Variants in ABTB2 observed in about 807,000 individuals in gnomAD.
The protein encoded by ABTB2 is ankyrin repeat and BTB domain containing 2.
In ABTB2, 56 loss-of-function variants were observed where a neutral mutation model predicts 104.1. That is an observed-to-expected ratio of 0.54 (90% confidence interval 0.43 to 0.67). The LOEUF is 0.67. Among genes scored for constraint, ABTB2 ranks in the 30% least tolerant of loss-of-function variants. The pLI, the probability that ABTB2 is intolerant of heterozygous loss-of-function variation, is 0.00. For missense variants in ABTB2, 1,279 were observed against 1,407.7 expected (o/e 0.91, Z 1.46); for synonymous variants, 606 against 608.2 (o/e 1.00, Z 0.05).
At chr11:34,184,411 G>A (rs1853069011) in intron 3 of ABTB2, among the ~76,000 whole-genome samples, 1 of 152,202 alleles carries the variant, frequency 6.6e-6, no homozygotes, top group Non-Finnish European at 1.5e-5. Flanking sequence ...CCAGGAATAG[G>A]AAAAGGTGGC....
At chr11:34,276,153 T>C (rs920611625) in intron 1 of ABTB2, among the ~76,000 whole-genome samples, 1 of 149,922 alleles carries the variant, frequency 6.7e-6, no homozygotes, top group African/African-American at 2.5e-5. Context: ...TATGCTCAAA[T>C]AGAAAAAATT....
intron 1 of ABTB2, among the ~76,000 whole-genome samples, chr11:34,313,752 G>A (rs753583308): frequency 2.0e-5 from 3 of 152,324 alleles, no homozygotes; most frequent in Admixed American, 6.5e-5. Flanking sequence ...GCAACTCTAC[G>A]GAGAAACAAG....
Position 34,151,339 on chromosome 11 carries a change from A to G in ABTB2, c.*1048T>C, listed in dbSNP as rs1209099232. 1.3e-5 allele frequency: 2 copies of G among 152,262 alleles called. No individual in the cohort carries two copies. Among genetic ancestry groups the G allele is most frequent in the African/African-American group, 4.8e-5 (2 of 41,468 alleles). The allele number at this position is 152,262 out of a possible 1,614,324, so 9.4% of individuals were successfully genotyped here. A position where few individuals can be genotyped will look rare whatever the true frequency, so the allele number is the denominator to read the frequency against. On this transcript the variant is annotated 3_prime_UTR_variant, in exon 17 of 17. Transcript: ENST00000435224. ...GGTGTCAGGGGAGCCCAGGGCCTGCAGAATTCGAGGGCAAGGCCGTGAGGG... is the reference window on the plus strand; with the variant it reads ...GGTGTCAGGGGAGCCCAGGGCCTGCGGAATTCGAGGGCAAGGCCGTGAGGG...
At chr11:34,346,171 G>A (rs1855329369) in intron 1 of ABTB2, among the ~76,000 whole-genome samples, 1 of 152,164 alleles carries the variant, frequency 6.6e-6, no homozygotes, top group Non-Finnish European at 1.5e-5. Context: ...GCAACAAACA[G>A]CATTTAAAAA....
At chr11:34,337,727 T>C (rs1445257777) in intron 1 of ABTB2, among the ~76,000 whole-genome samples, 2 of 152,176 alleles carry the variant, frequency 1.3e-5, no homozygotes, top group Admixed American at 6.5e-5. Flanking sequence ...TGCAAATCAC[T>C]AGTGTCCTGC....
Position 34,173,379 on chromosome 11 carries a change from T to A in ABTB2, c.1245-72A>T. 2.7e-6 allele frequency: 4 copies of A among 1,474,374 alleles called. No homozygotes were observed. The South Asian group carries it at 5.5e-5, about 20-fold the overall frequency. 91.3% of individuals were successfully genotyped at this position (1,474,374 alleles called of 1,614,324 possible). On this transcript the variant is annotated intron_variant, in intron 3 of 16. Transcript: ENST00000435224. ...AGGGCAGCAGAGAGAGGGTCAGGCC[T>A]GGGAGGGTGCTTCTTGTGGGGCAGC...
chr11:34,229,270 C>G (rs1347741353), intron 1 of ABTB2, among the ~76,000 whole-genome samples: 1 of 151,672 alleles, frequency 6.6e-6, no homozygotes, highest in Non-Finnish European at 1.5e-5. Flanking sequence ...ATCACAAAGT[C>G]AGGAGATCAA....
intron 1 of ABTB2, among the ~76,000 whole-genome samples, chr11:34,273,112 A>T (rs904519504): frequency 8.5e-5 from 13 of 152,166 alleles, no homozygotes; most frequent in African/African-American, 2.9e-4. Flanking sequence ...AAATTTTTTT[A>T]AATTTTTTGT....
intron 1 of ABTB2, among the ~76,000 whole-genome samples, chr11:34,208,846 C>T (rs2133042947): frequency 6.6e-6 from 1 of 152,102 alleles, no homozygotes; most frequent in East Asian, 1.9e-4. Context: ...CTCAAAAATC[C>T]TTCACTGCCA....
chr11:34,266,110 TCTCA>T (rs1192861232), intron 1 of ABTB2, among the ~76,000 whole-genome samples: 1 of 152,120 alleles, frequency 6.6e-6, no homozygotes, highest in Non-Finnish European at 1.5e-5. Flanking sequence ...AGAGACAGGG[TCTCA>T]CTCTGTCACC....
chr11:34,180,105 T>C (rs1853007822), intron 3 of ABTB2, among the ~76,000 whole-genome samples: 1 of 152,216 alleles, frequency 6.6e-6, no homozygotes, highest in South Asian at 2.1e-4. Context: ...ATGCCTCAGC[T>C]CCAGCTTTCT....
intron 2 of ABTB2, among the ~76,000 whole-genome samples, chr11:34,203,795 A>G (rs1853373175): frequency 2.0e-5 from 3 of 152,204 alleles, no homozygotes; most frequent in Non-Finnish European, 4.4e-5. Context: ...AGAAGGCCGG[A>G]GCAGAGGGAA....
chr11:34,357,681 C>A lies in ABTB2; in HGVS notation c.-98G>T. 1 of 1,262,014 alleles carries A rather than the reference C, an allele frequency of 7.9e-7. No individual in the cohort carries two copies. The highest frequency in any genetic ancestry group is 1.0e-6 in the Non-Finnish European group (1 of 972,828). 78.2% of individuals were successfully genotyped at this position (1,262,014 alleles called of 1,614,324 possible). A position where few individuals can be genotyped will look rare whatever the true frequency, so the allele number is the denominator to read the frequency against. ...AGAAACAAGCTCTAGGCCCTCCGGG[C>A]CACCCTCCTTCCTCTCTGCGTCGCG... On this transcript the variant is annotated 5_prime_UTR_variant, in exon 1 of 17. Transcript: ENST00000435224.
intron 1 of ABTB2, among the ~76,000 whole-genome samples, chr11:34,308,262 A>G (rs1469609760): frequency 6.6e-6 from 1 of 152,248 alleles, no homozygotes; most frequent in Non-Finnish European, 1.5e-5. Context: ...TTTCCAGCCC[A>G]TCACCTGACA....
At chr11:34,216,543 G>C (rs1853550887) in intron 1 of ABTB2, among the ~76,000 whole-genome samples, 1 of 152,118 alleles carries the variant, frequency 6.6e-6, no homozygotes, top group South Asian at 2.1e-4. Flanking sequence ...TTGAGGTCAG[G>C]AGTTCAAGAG....
At chr11:34,263,540 G>A (rs1423809413) in intron 1 of ABTB2, among the ~76,000 whole-genome samples, 1 of 152,102 alleles carries the variant, frequency 6.6e-6, no homozygotes, top group Non-Finnish European at 1.5e-5. Context: ...ACAGGCCCAG[G>A]TAGCCAAAGC....
At chr11:34,274,350 A>G (rs1350670429) in intron 1 of ABTB2, among the ~76,000 whole-genome samples, 1 of 152,032 alleles carries the variant, frequency 6.6e-6, no homozygotes, top group East Asian at 1.9e-4. Flanking sequence ...AGTAAGCCAC[A>G]GAGCCAGGAT....
chr11:34,181,097 G>T lies in ABTB2; in HGVS notation c.1245-7790C>A, dbSNP rs563460757. Reference sequence around the variant, plus strand: ...TTTTTGTATTTTTAGTAGAGACAGGGTTTCAACATGTTGGCCAGGATTGTC... The same window carrying T: ...TTTTTGTATTTTTAGTAGAGACAGGTTTTCAACATGTTGGCCAGGATTGTC... On this transcript the variant is annotated intron_variant, in intron 3 of 16. Coordinates refer to ENST00000435224, the MANE Select transcript of ABTB2 (RefSeq NM_145804.3). 9.9e-5 allele frequency among the ~76,000 whole-genome samples: 15 copies of T among 152,164 alleles called. No homozygotes were observed. In the South Asian group the frequency reaches 1.7e-3, roughly 17 times the overall value.
chr11:34,296,352 A>C (rs1854623109), intron 1 of ABTB2, among the ~76,000 whole-genome samples: 1 of 152,126 alleles, frequency 6.6e-6, no homozygotes, highest in Non-Finnish European at 1.5e-5. Context: ...GGGAGAGTTC[A>C]TGGACAGTGG....
Sources: gnomAD v4.1 joint callset for allele counts (sites outside exome capture counted in the v4.1 genomes callset) on GRCh38, gnomAD v4.1.1 for gene constraint, MANE v1.5 for transcripts, NCBI Gene and HGNC (gene_info 2026-07-23, HGNC 2026-07-21) for gene names.